The following TMCO6 variants were observed in gnomAD, a reference collection of about 807,000 sequenced individuals.
TMCO6 encodes the protein transmembrane and coiled-coil domain-containing protein 6.
In TMCO6, 47 loss-of-function variants were observed where a neutral mutation model predicts 61.8. That is an observed-to-expected ratio of 0.76 (90% CI 0.60 to 0.97). The LOEUF (loss-of-function observed/expected upper bound fraction) is 0.97, where lower values mean the gene tolerates loss of function less well. TMCO6 is among the 50% of genes least tolerant of loss of function. TMCO6 has a pLI of 0.00. For missense variants in TMCO6, 557 were observed against 601.6 expected, an observed-to-expected ratio of 0.93 and a Z score of 0.78; for synonymous variants, 261 against 254.2, an observed-to-expected ratio of 1.03 and a Z score of -0.25.
At chr5:140,605,804 CTT>C in the TMCO6 span, among the ~76,000 whole-genome samples, 1 of 151,622 alleles carries the variant, frequency 6.6e-6, no homozygotes, top group Non-Finnish European at 1.5e-5. Context: ...GGCATTAAGT[CTT>C]TTTAATATTT....
intron 6 of TMCO6, 115 bp downstream of exon 6, chr5:140,642,786 T>C: frequency 6.3e-7 from 1 of 1,584,052 alleles, no homozygotes; most frequent in Non-Finnish European, 8.7e-7. Context: ...TGTGTCTGGC[T>C]AGGAAGGGCT....
intron 5 of TMCO6, 28 bp from the exon 6 acceptor site, chr5:140,642,558 G>T (rs1049617550): frequency 6.2e-7 from 1 of 1,613,774 alleles, no homozygotes; most frequent in African/African-American, 1.3e-5. Flanking sequence ...CCAGCTTCCA[G>T]TCAGATCCTT....
chr5:140,617,835 A>G, the TMCO6 span, among the ~76,000 whole-genome samples: 1 of 152,178 alleles, frequency 6.6e-6, no homozygotes, highest in African/African-American at 2.4e-5. Context: ...ACTATTTTTT[A>G]AAACCCCAGA....
chr5:140,628,409 C>T, the TMCO6 span, among the ~76,000 whole-genome samples: 1 of 151,974 alleles, frequency 6.6e-6, no homozygotes, highest in South Asian at 2.1e-4. Flanking sequence ...ATTTGAATGC[C>T]TCTGACAGAT....
chr5:140,609,256 C>T, the TMCO6 span: 1 of 167,580 alleles, frequency 6.0e-6, no homozygotes, highest in South Asian at 1.4e-4. Context: ...AGCGGCATGC[C>T]ATGGAGTTGC....
intron 10 of TMCO6, 104 bp downstream of exon 10, chr5:140,644,298 G>A: frequency 7.6e-7 from 1 of 1,307,288 alleles, no homozygotes; most frequent in Non-Finnish European, 1.1e-6. Flanking sequence ...AGCAGGTGGT[G>A]GTGTGTGGCC....
At chr5:140,622,128 T>C in the TMCO6 span, among the ~76,000 whole-genome samples, 1 of 152,208 alleles carries the variant, frequency 6.6e-6, no homozygotes, top group Non-Finnish European at 1.5e-5. Flanking sequence ...AAATCCCTAA[T>C]AAAAACTTGC....
chr5:140,645,342 C>T lies in TMCO6; in HGVS notation c.*244C>T. ...GAATCCCTGCCCCCCCGCCACCCTT[C>T]ATGTTTGCTTCAGCAGCTGGTAGCT... On this transcript the variant is annotated 3_prime_UTR_variant, in exon 12 of 12. Transcript: ENST00000394671. 1 of 744,320 alleles carries T rather than the reference C, an allele frequency of 1.3e-6. No individual in the cohort carries two copies. Among genetic ancestry groups the T allele is most frequent in the Non-Finnish European group, 2.3e-6 (1 of 427,980 alleles). The allele number at this position is 744,320 out of a possible 1,614,324, so 46.1% of individuals were successfully genotyped here.
downstream of TMCO6, among the ~76,000 whole-genome samples, chr5:140,646,171 C>T (rs1261644705): frequency 3.9e-5 from 6 of 152,014 alleles, no homozygotes; most frequent in Admixed American, 6.6e-5. Context: ...CCACCACACC[C>T]GGCTAATTTT....
In TMCO6 at chr5:140,645,182, T is replaced by A; in HGVS notation, c.*84T>A. The stretch of plus-strand genomic sequence containing the variant: ...TAGAGCCTTTGGAGATTTAGGACCA[T>A]AATGAGGTCTCATGTTCTCTGCTCC... On this transcript the variant is annotated 3_prime_UTR_variant, in exon 12 of 12. Transcript: ENST00000394671. The A allele has an allele frequency of 7.2e-7, 1 of 1,379,848 alleles. No individual in the cohort carries two copies. 85.5% of individuals were successfully genotyped at this position (1,379,848 alleles called of 1,614,324 possible).
At chr5:140,615,256 T>A in the TMCO6 span, among the ~76,000 whole-genome samples, 1 of 152,150 alleles carries the variant, frequency 6.6e-6, no homozygotes, top group Admixed American at 6.5e-5. Flanking sequence ...AGACAAGACT[T>A]GTACAATGAA....
the TMCO6 span, among the ~76,000 whole-genome samples, chr5:140,605,420 C>A: frequency 6.6e-6 from 1 of 152,106 alleles, no homozygotes; most frequent in Non-Finnish European, 1.5e-5. Flanking sequence ...TGGTTCACGC[C>A]TGTAATCCTA....
downstream of TMCO6, chr5:140,647,649 G>T: frequency 6.4e-7 from 1 of 1,565,960 alleles, no homozygotes; most frequent in Non-Finnish European, 8.7e-7. Context: ...GACCAACCGC[G>T]GACCCTAAAG....
the TMCO6 span, among the ~76,000 whole-genome samples, chr5:140,600,294 C>T: frequency 6.6e-6 from 1 of 152,100 alleles, no homozygotes; most frequent in African/African-American, 2.4e-5. Context: ...CAGACTTTTG[C>T]CATAAGCTCC....
upstream of TMCO6, among the ~76,000 whole-genome samples, chr5:140,635,530 A>C (rs1351505731): frequency 6.6e-6 from 1 of 152,148 alleles, no homozygotes; most frequent in Non-Finnish European, 1.5e-5. Flanking sequence ...GGGAGTTCCA[A>C]GTTAAGAGGG....
rs755848078 is a variant in TMCO6 at position 140,644,748 on chromosome 5, T to C, written c.1368+8T>C. On this transcript the variant is annotated splice_region_variant and intron_variant, in intron 11 of 11. Coordinates refer to ENST00000394671, the MANE Select transcript of TMCO6 (RefSeq NM_018502.5). ...TTCCTGTATCAGCCAGAGGTATAGG[T>C]TTCTGGCCCACATCCTCAGTCACCC... 1 of 1,613,774 alleles carries C rather than the reference T, an allele frequency of 6.2e-7. No individual in the cohort carries two copies. Among genetic ancestry groups the C allele is most frequent in the Non-Finnish European group, 8.5e-7 (1 of 1,179,742 alleles).
chr5:140,625,432 T>G, the TMCO6 span, among the ~76,000 whole-genome samples: 1 of 152,172 alleles, frequency 6.6e-6, no homozygotes, highest in Non-Finnish European at 1.5e-5. Flanking sequence ...ATGTTTCCTC[T>G]TCCTGGACTG....
At chr5:140,617,413 G>C in the TMCO6 span, among the ~76,000 whole-genome samples, 1 of 152,176 alleles carries the variant, frequency 6.6e-6, no homozygotes, top group Non-Finnish European at 1.5e-5. Flanking sequence ...AATTAGCCAA[G>C]TGTGGTAGTG....
chr5:140,644,326 T>C, intron 10 of TMCO6, 132 bp downstream of exon 10: 1 of 1,042,882 alleles, frequency 9.6e-7, no homozygotes, highest in Non-Finnish European at 1.5e-6. Flanking sequence ...CCAACCAATC[T>C]AGGTGTGTGT....
Sources: allele counts gnomAD v4.1 joint callset (sites outside exome capture counted in the v4.1 genomes callset), GRCh38; gene constraint gnomAD v4.1.1; transcripts MANE v1.5; gene names NCBI Gene and HGNC (gene_info 2026-07-23, HGNC 2026-07-21).